The following FERRY3 variants were observed in gnomAD, a reference collection of about 807,000 sequenced individuals.
FERRY3 encodes the protein protein C12orf4.
chr12:4,533,226 A>C, the FERRY3 span, among the ~76,000 whole-genome samples: 1 of 152,164 alleles, frequency 6.6e-6, no homozygotes, highest in Non-Finnish European at 1.5e-5. Flanking sequence ...AGTTATGATT[A>C]ATTCTCCATT....
At chr12:4,532,202 C>G in the FERRY3 span, among the ~76,000 whole-genome samples, 1 of 151,836 alleles carries the variant, frequency 6.6e-6, no homozygotes, top group African/African-American at 2.4e-5. Flanking sequence ...GATTGGACAC[C>G]CCTGGTCCAG....
the FERRY3 span, among the ~76,000 whole-genome samples, chr12:4,501,373 A>G: frequency 7.2e-5 from 11 of 152,194 alleles, no homozygotes; most frequent in Non-Finnish European, 1.3e-4. Flanking sequence ...ATCGTGGTCT[A>G]GAACAAGGGT....
At chr12:4,505,241 G>T in the FERRY3 span, 8 of 974,034 alleles carry the variant, frequency 8.2e-6, no homozygotes, top group Non-Finnish European at 1.3e-5. Context: ...AATTCCTATG[G>T]TGTGCATTAT....
At chr12:4,522,917 C>T in the FERRY3 span, among the ~76,000 whole-genome samples, 1 of 152,124 alleles carries the variant, frequency 6.6e-6, no homozygotes, top group South Asian at 2.1e-4. Flanking sequence ...CAAATTGCTA[C>T]ATACAGTTTG....
the FERRY3 span, among the ~76,000 whole-genome samples, chr12:4,519,951 T>C: frequency 6.6e-6 from 1 of 152,228 alleles, no homozygotes; most frequent in Non-Finnish European, 1.5e-5. This position sits in a 1 kb window ranked among gnomAD's most constrained non-coding sequence, Gnocchi z 4.3. Context: ...AAAATCATAC[T>C]TTTCTGGAGT....
At chr12:4,521,985 G>A in the FERRY3 span, among the ~76,000 whole-genome samples, 1 of 152,182 alleles carries the variant, frequency 6.6e-6, no homozygotes, top group Non-Finnish European at 1.5e-5. Flanking sequence ...TATAATAGCA[G>A]ATACACGTCC....
chr12:4,528,924 C>A, the FERRY3 span, among the ~76,000 whole-genome samples: 1 of 146,446 alleles, frequency 6.8e-6, no homozygotes, highest in African/African-American at 2.7e-5. Flanking sequence ...CACACACACA[C>A]ACACACACAC....
At chr12:4,504,480 A>G in the FERRY3 span, among the ~76,000 whole-genome samples, 1 of 152,226 alleles carries the variant, frequency 6.6e-6, no homozygotes, top group East Asian at 1.9e-4. Flanking sequence ...AACATATTCA[A>G]GAATAATAAA....
At chr12:4,513,850 C>T in the FERRY3 span, among the ~76,000 whole-genome samples, 2 of 151,690 alleles carry the variant, frequency 1.3e-5, no homozygotes, top group South Asian at 2.1e-4. Flanking sequence ...ACTTCATGTC[C>T]AAAACACCAA....
At chr12:4,537,192 C>A in the FERRY3 span, among the ~76,000 whole-genome samples, 756 of 152,316 alleles carry the variant, frequency 5.0e-3, 12 homozygotes, top group African/African-American at 0.017. Flanking sequence ...TTTTGAATGC[C>A]TTTTCCTTTG....
chr12:4,537,935 A>G, the FERRY3 span, among the ~76,000 whole-genome samples: 2 of 152,170 alleles, frequency 1.3e-5, no homozygotes, highest in Admixed American at 1.3e-4. Context: ...AAACAACCAA[A>G]ATGCGTATTA....
At chr12:4,518,276 A>G in the FERRY3 span, 11 of 1,608,366 alleles carry the variant, frequency 6.8e-6, no homozygotes, top group Non-Finnish European at 9.4e-6. Context: ...GCAATAGTCC[A>G]GGAAAGATAC....
the FERRY3 span, among the ~76,000 whole-genome samples, chr12:4,522,380 A>T: frequency 6.6e-5 from 10 of 152,322 alleles, no homozygotes; most frequent in East Asian, 1.9e-3. Context: ...TATATAAAGA[A>T]CTCTCACAAC....
At chr12:4,521,148 C>T in the FERRY3 span, among the ~76,000 whole-genome samples, 1 of 152,138 alleles carries the variant, frequency 6.6e-6, no homozygotes, top group African/African-American at 2.4e-5. Flanking sequence ...ATCACGAGAT[C>T]AGGAGTTCAA....
At chr12:4,512,011 AAAG>A in the FERRY3 span, among the ~76,000 whole-genome samples, 1 of 120,950 alleles carries the variant, frequency 8.3e-6, no homozygotes, top group Non-Finnish European at 1.7e-5. Flanking sequence ...ATAAAGAAAA[AAAG>A]AGAGAAGAAT....
the FERRY3 span, chr12:4,500,045 A>G: frequency 7.9e-7 from 1 of 1,265,230 alleles, no homozygotes; most frequent in Middle Eastern, 2.2e-4. Context: ...TAGTTTAAAA[A>G]AATGTAAAGT....
chr12:4,526,672 T>C, the FERRY3 span, among the ~76,000 whole-genome samples: 4 of 151,932 alleles, frequency 2.6e-5, no homozygotes, highest in Non-Finnish European at 5.9e-5. Flanking sequence ...TGAAACTCCA[T>C]CTCTACTAAA....
the FERRY3 span, among the ~76,000 whole-genome samples, chr12:4,507,103 A>C: frequency 6.6e-6 from 1 of 152,174 alleles, no homozygotes; most frequent in African/African-American, 2.4e-5. Context: ...CACACTTTCT[A>C]TCTCTCATAA....
At chr12:4,490,636 A>C in the FERRY3 span, 1 of 1,453,462 alleles carries the variant, frequency 6.9e-7, no homozygotes, top group South Asian at 1.2e-5. Flanking sequence ...TCTGGCCTTC[A>C]AACCTACCAG....
Sources: allele counts gnomAD v4.1 joint callset (sites outside exome capture counted in the v4.1 genomes callset), GRCh38; gene constraint gnomAD v4.1.1; non-coding constraint Gnocchi (gnomAD v3.1); transcripts MANE v1.5; gene names NCBI Gene and HGNC (gene_info 2026-07-23, HGNC 2026-07-21).